The following DLC1 variants were observed in gnomAD, a reference collection of about 807,000 sequenced individuals.
DLC1 encodes the protein rho GTPase-activating protein 7.
In DLC1, 54 loss-of-function variants were observed where a neutral mutation model predicts 140.3. The observed-to-expected ratio is 0.38, with a 90% CI of 0.31 to 0.48. The LOEUF (loss-of-function observed/expected upper bound fraction) is 0.48. DLC1 is among the 20% of genes least tolerant of loss of function. DLC1 has a pLI of 0.96. For missense variants in DLC1, 2,536 were observed against 1,907.0 expected (o/e 1.33, Z -6.14); for synonymous variants, 986 against 728.1 (o/e 1.35, Z -5.70).
At chr8:13,481,411 A>C (rs1429972841) in intron 2 of DLC1, among the ~76,000 whole-genome samples, 1 of 152,210 alleles carries the variant, frequency 6.6e-6, no homozygotes, top group Admixed American at 6.5e-5. Context: ...GGGTGATGGG[A>C]GTGAGACCTT....
At chr8:13,146,274 CA>C (rs35639452) in intron 5 of DLC1, among the ~76,000 whole-genome samples, 5,195 of 139,324 alleles carry the variant, frequency 0.037, 97 homozygotes, top group African/African-American at 0.051. Flanking sequence ...GACTCCATCT[CA>C]AAAAAAAAAA....
At chr8:13,148,190 TC>T (rs1411837419) in intron 5 of DLC1, among the ~76,000 whole-genome samples, 1 of 152,038 alleles carries the variant, frequency 6.6e-6, no homozygotes, top group Non-Finnish European at 1.5e-5. Context: ...ATAGGTAAAC[TC>T]ATATTCACAG....
At chr8:13,087,510 G>A (rs767317852) in intron 16 of DLC1, among the ~76,000 whole-genome samples, 4 of 152,152 alleles carry the variant, frequency 2.6e-5, no homozygotes, top group Admixed American at 6.5e-5. Context: ...TAATTGCCTG[G>A]TCTGTGAGAT....
intron 5 of DLC1, among the ~76,000 whole-genome samples, chr8:13,119,986 G>A (rs7012170): frequency 0.71 from 106,971 of 150,462 alleles, 40,299 homozygotes; most frequent in East Asian, 0.85. Flanking sequence ...AGTGAGAGAA[G>A]GAACAATTAC....
intron 2 of DLC1, among the ~76,000 whole-genome samples, chr8:13,439,056 G>A (rs1452510596): frequency 6.6e-6 from 1 of 152,208 alleles, no homozygotes; most frequent in Non-Finnish European, 1.5e-5. Flanking sequence ...GCCGAGCACA[G>A]TGGCTCATGC....
At chr8:13,563,504 C>T (rs184689166) in intron 1 of DLC1, among the ~76,000 whole-genome samples, 1,563 of 152,254 alleles carry the variant, frequency 0.01, 26 homozygotes, top group African/African-American at 0.035. Context: ...ATCAGCTCCT[C>T]ACAGCGAGAT....
intron 1 of DLC1, among the ~76,000 whole-genome samples, chr8:13,601,662 A>AAAAC (rs764336248): frequency 2.6e-5 from 4 of 151,690 alleles, no homozygotes; most frequent in Admixed American, 6.6e-5. Flanking sequence ...AAAACAAAAC[A>AAAAC]AAACAACAAC....
intron 5 of DLC1, among the ~76,000 whole-genome samples, chr8:13,171,503 G>C (rs998668563): frequency 6.6e-6 from 1 of 152,000 alleles, no homozygotes; most frequent in Non-Finnish European, 1.5e-5. Flanking sequence ...CAATCCTCCT[G>C]TCTCAGCCTC....
At chr8:13,503,054 G>A (rs563626177) in intron 1 of DLC1, among the ~76,000 whole-genome samples, 5 of 152,292 alleles carry the variant, frequency 3.3e-5, no homozygotes, top group African/African-American at 1.2e-4. Context: ...GGTTAATTTT[G>A]TAACACTTAC....
intron 4 of DLC1, among the ~76,000 whole-genome samples, chr8:13,321,888 ATGTGCTACATTCTG>A (rs1833142329): frequency 1.3e-5 from 2 of 152,192 alleles, no homozygotes; most frequent in Non-Finnish European, 2.9e-5. Context: ...AATTCAGTAA[ATGTGCTACATTCTG>A]TGTTGTCTAT....
intron 2 of DLC1, among the ~76,000 whole-genome samples, chr8:13,491,479 A>G (rs1024577953): frequency 2.0e-4 from 31 of 152,214 alleles, no homozygotes; most frequent in African/African-American, 7.5e-4. Flanking sequence ...GTTATAGAAC[A>G]TACATAAAAT....
intron 4 of DLC1, among the ~76,000 whole-genome samples, chr8:13,355,577 C>T (rs1318557651): frequency 6.6e-6 from 1 of 152,062 alleles, no homozygotes. Context: ...CAGATCAGGA[C>T]CCCACCTTCT....
rs774180192 is a variant in DLC1 at position 13,479,253 on chromosome 8, G to T, written c.1023+19796C>A. Among the ~76,000 whole-genome samples the T allele has an allele frequency of 4.0e-4, 61 of 152,252 alleles. 1 individual carries two copies. The Middle Eastern group carries it at 0.014, about 34-fold the overall frequency. On this transcript the variant is annotated intron_variant, in intron 2 of 17. Transcript: ENST00000276297. ...AAATAAGAAAGTTAAAAATATGACT[G>T]CAACAATAAATGTTTCAAAGGACAG... is the stretch of plus-strand genomic sequence containing the variant.
chr8:13,117,927 T>G (rs1242760818), intron 5 of DLC1, among the ~76,000 whole-genome samples: 1 of 152,172 alleles, frequency 6.6e-6, no homozygotes, highest in East Asian at 1.9e-4. Flanking sequence ...ATATAATAAC[T>G]TTACAAAGTA....
chr8:13,124,505 T>C (rs552689683), intron 5 of DLC1, among the ~76,000 whole-genome samples: 2 of 152,210 alleles, frequency 1.3e-5, no homozygotes, highest in South Asian at 4.2e-4. Context: ...AGCCTGGTTA[T>C]ACAATGAGCA....
At chr8:13,130,501 C>G (rs1359526201) in intron 5 of DLC1, among the ~76,000 whole-genome samples, 1 of 152,126 alleles carries the variant, frequency 6.6e-6, no homozygotes, top group Non-Finnish European at 1.5e-5. Flanking sequence ...TACAGAACAA[C>G]AAAAAAACAT....
intron 5 of DLC1, among the ~76,000 whole-genome samples, chr8:13,288,788 A>G (rs1455698023): frequency 2.6e-5 from 4 of 152,138 alleles, no homozygotes; most frequent in African/African-American, 9.7e-5. Flanking sequence ...AGGAAAGAAG[A>G]AGTAAGAAGT....
At chr8:13,520,847 GA>G (rs1802743551) in intron 1 of DLC1, among the ~76,000 whole-genome samples, 1 of 151,926 alleles carries the variant, frequency 6.6e-6, no homozygotes. Context: ...CTTTTTATGT[GA>G]ATACTTAAGC....
In DLC1 at chr8:13,303,076, C is replaced by A. The variant is rs536947073; in HGVS notation, c.1348+2193G>T. On this transcript the variant is annotated intron_variant, in intron 5 of 17. Coordinates refer to ENST00000276297, the MANE Select transcript of DLC1 (RefSeq NM_182643.3). Reference sequence around the variant, plus strand: ...ACATTTGTCTTGACAGGTAAATTCACTGCCTTGAAAAAAAATCCTTTATTT... The same window carrying A: ...ACATTTGTCTTGACAGGTAAATTCAATGCCTTGAAAAAAAATCCTTTATTT... Among the ~76,000 whole-genome samples, 9 of 152,070 alleles carry A rather than the reference C, an allele frequency of 5.9e-5. No homozygotes were observed. In the South Asian group the frequency reaches 1.5e-3, roughly 25 times the overall value.
Sources: gnomAD v4.1 joint callset for allele counts (sites outside exome capture counted in the v4.1 genomes callset) on GRCh38, gnomAD v4.1.1 for gene constraint, MANE v1.5 for transcripts, NCBI Gene and HGNC (gene_info 2026-07-23, HGNC 2026-07-21) for gene names.